CASZ1: variants seen among roughly 807,000 people sequenced by gnomAD.
The protein encoded by CASZ1 is castor zinc finger 1.
Under a neutral mutation model 135.2 loss-of-function variants are expected in CASZ1, and 28 were observed. The observed-to-expected ratio is 0.21, with a 90% confidence interval of 0.15 to 0.28. The LOEUF is 0.28. Among genes scored for constraint, CASZ1 ranks in the 10% least tolerant of loss-of-function variants. CASZ1 has a pLI of 1.00. For missense variants in CASZ1, 2,161 were observed against 2,453.3 expected, an observed-to-expected ratio of 0.88 and a Z score of 2.52; for synonymous variants, 1,068 against 1,073.4, an observed-to-expected ratio of 0.99 and a Z score of 0.10.
Position 10,646,132 on chromosome 1 carries a change from T to A in CASZ1, c.3692A>T (p.Asn1231Ile). 1 of 1,613,962 alleles carries A rather than the reference T, an allele frequency of 6.2e-7. No individual in the cohort carries two copies. Among genetic ancestry groups the A allele is most frequent in the South Asian group, 1.1e-5 (1 of 91,072 alleles). The part of the protein sequence containing the change: ...AYYSLQCLCP[N>I]QHCEFRMRGH... ...GCCGTGTACCGCCATGCTGACCTGG[T>A]TGGGACAGAGACACTGCAGAGAGTA... Residue 1231 changes from asparagine (N) to isoleucine (I), a missense_variant, in exon 17 of 21, where the codon AAC becomes ATC. Physicochemically the swap from Asn to Ile is moderately radical, Grantham distance 149. Around this residue, in one of 7 missense-constraint regions of CASZ1, gnomAD observed 349 missense variants for 460.8 expected, o/e 0.76. Coordinates refer to ENST00000377022, the MANE Select transcript of CASZ1 (RefSeq NM_001079843.3). The surrounding 1 kb of genome is among the most constrained non-coding windows in gnomAD (Gnocchi z 6.4).
chr1:10,761,840 C>T (rs1640381320), intron 1 of CASZ1, among the ~76,000 whole-genome samples: 1 of 152,212 alleles, frequency 6.6e-6, no homozygotes, highest in South Asian at 2.1e-4. Flanking sequence ...GCTGAGAACC[C>T]AGAGGGGGTG....
intron 20 of CASZ1, 109 bp downstream of exon 20, chr1:10,642,750 C>A: frequency 2.4e-6 from 3 of 1,270,520 alleles, no homozygotes; most frequent in Non-Finnish European, 3.2e-6. Flanking sequence ...GCCAGCCTGT[C>A]CTCCTCGGAG....
At position 10,660,032 on chromosome 1, in the gene CASZ1, G is replaced by T. The variant is rs893829378; in HGVS notation, c.1010C>A (p.Ser337Tyr). The change falls in exon 6 of 21, where the codon TCC (serine) becomes TAC (tyrosine). Residue 337 changes from serine (S) to tyrosine (Y), a missense_variant. Ser to Tyr is a moderately radical substitution (Grantham distance 144). Transcript: ENST00000377022. ...PQNGSTYKKP[S>Y]KYDLENVKYL... ...CTTGACATTCTCCAGGTCGTACTTGGATGGCTTCTTGTAGGTGCTCCCGTT... is the reference window on the plus strand; with the variant it reads ...CTTGACATTCTCCAGGTCGTACTTGTATGGCTTCTTGTAGGTGCTCCCGTT... 1 of 1,614,044 alleles carries T rather than the reference G, an allele frequency of 6.2e-7. No homozygotes were observed. The highest frequency in any genetic ancestry group is 1.3e-5 in the African/African-American group (1 of 74,928).
At chr1:10,729,776 C>T (rs1292759826) in intron 2 of CASZ1, among the ~76,000 whole-genome samples, 4 of 152,354 alleles carry the variant, frequency 2.6e-5, no homozygotes, top group African/African-American at 4.8e-5. Flanking sequence ...CCTCAGCACA[C>T]GCCCTTCCAG....
chr1:10,647,908 A>C lies in CASZ1; in HGVS notation c.3390T>G (p.Pro1130=). The change falls in exon 16 of 21, where the codon CCT becomes CCG. Residue 1130 remains proline, a synonymous_variant. Coordinates refer to ENST00000377022, the MANE Select transcript of CASZ1 (RefSeq NM_001079843.3). The surrounding 1 kb of genome is among the most constrained non-coding windows in gnomAD (Gnocchi z 4.9). ...KQLASTIPQM[P]QIPASVPHLP... is the part of the protein sequence containing the mutation. ...GGTGAGGCACTGACGCTGGGATCTG[A>C]GGCATCTGGGGTATGGTGGAAGCCA... The C allele has an allele frequency of 6.2e-7, 1 of 1,613,126 alleles. No individual in the cohort carries two copies. Among genetic ancestry groups the C allele is most frequent in the Non-Finnish European group, 8.5e-7 (1 of 1,179,780 alleles).
chr1:10,785,709 C>T (rs1640846754), intron 1 of CASZ1, among the ~76,000 whole-genome samples: 1 of 152,256 alleles, frequency 6.6e-6, no homozygotes, highest in South Asian at 2.1e-4. Flanking sequence ...AACCGTTGTC[C>T]TCTGCCCCTT....
intron 1 of CASZ1, among the ~76,000 whole-genome samples, chr1:10,781,197 T>C (rs939783114): frequency 6.6e-6 from 1 of 152,232 alleles, no homozygotes; most frequent in Non-Finnish European, 1.5e-5. Context: ...AAGCTCCTCC[T>C]TCGACCTTCT....
intron 1 of CASZ1, among the ~76,000 whole-genome samples, chr1:10,793,388 A>G (rs954041141): frequency 1.3e-5 from 2 of 152,232 alleles, no homozygotes; most frequent in East Asian, 3.9e-4. Context: ...CCTTCGTAAG[A>G]AGGAAATAAA....
At chr1:10,659,004 C>A (rs2100252967) in intron 6 of CASZ1, among the ~76,000 whole-genome samples, 1 of 152,298 alleles carries the variant, frequency 6.6e-6, no homozygotes, top group East Asian at 1.9e-4. Flanking sequence ...GGCATGCAGC[C>A]CCCTGGGGTC....
intron 5 of CASZ1, among the ~76,000 whole-genome samples, chr1:10,662,152 TAC>T (rs575567770): frequency 1.8e-3 from 263 of 146,312 alleles, no homozygotes; most frequent in African/African-American, 6.1e-3. Context: ...CTCACACACC[TAC>T]ACACAGTCAC....
At chr1:10,648,270 G>C in intron 15 of CASZ1, 131 bp from the exon 16 acceptor site, 1 of 676,678 alleles carries the variant, frequency 1.5e-6, no homozygotes, top group Non-Finnish European at 2.4e-6. Flanking sequence ...AGCTCCAGAA[G>C]TCCCCTGTGA....
intron 2 of CASZ1, among the ~76,000 whole-genome samples, chr1:10,758,520 TG>T (rs1640303322): frequency 6.6e-6 from 1 of 152,010 alleles, no homozygotes; most frequent in African/African-American, 2.4e-5. Context: ...TTAGTAGAGA[TG>T]GGGTTTTGCC....
intron 1 of CASZ1, among the ~76,000 whole-genome samples, chr1:10,787,849 C>A (rs541269954): frequency 6.6e-6 from 1 of 152,208 alleles, no homozygotes; most frequent in Non-Finnish European, 1.5e-5. Context: ...GGCTTCCCAC[C>A]GGCTCAGGCA....
intron 8 of CASZ1, 114 bp downstream of exon 8, chr1:10,656,532 G>T: frequency 1.3e-6 from 1 of 755,672 alleles, no homozygotes; most frequent in South Asian, 1.6e-5. Context: ...AGTCAAGTTT[G>T]GGTGGTGCAA....
chr1:10,647,442 C>T lies in CASZ1; in HGVS notation c.3497+359G>A, dbSNP rs566993815. The T allele has an allele frequency of 1.2e-4, 141 of 1,177,628 alleles. No individual in the cohort carries two copies. In the African/African-American group the frequency reaches 2.0e-3, roughly 17 times the overall value. 72.9% of individuals were successfully genotyped at this position (1,177,628 alleles called of 1,614,324 possible). A position where few individuals can be genotyped will look rare whatever the true frequency, so the allele number is the denominator to read the frequency against. ...CCATGGGTGTGAGCCACAGAGGAGGCCAATACGGAGGCTCGGAGGGAGACG... is the reference window on the plus strand; with the variant it reads ...CCATGGGTGTGAGCCACAGAGGAGGTCAATACGGAGGCTCGGAGGGAGACG... On this transcript the variant is annotated intron_variant, in intron 16 of 20. Transcript: ENST00000377022. The surrounding 1 kb of genome is among the most constrained non-coding windows in gnomAD (Gnocchi z 4.9).
At chr1:10,656,885 C>G in intron 7 of CASZ1, 149 bp from the exon 8 acceptor site, 1 of 622,764 alleles carries the variant, frequency 1.6e-6, no homozygotes. Flanking sequence ...GTGACTGGGC[C>G]TGGCGGGAAT....
Position 10,647,127 on chromosome 1 carries a change from G to T in CASZ1, c.3497+674C>A, listed in dbSNP as rs1014838914. On this transcript the variant is annotated intron_variant, in intron 16 of 20. Transcript: ENST00000377022. This position sits in a 1 kb window ranked among gnomAD's most constrained non-coding sequence, Gnocchi z 4.9. Reference sequence around the variant, plus strand: ...AGGGGGAGGGGAGGCTGGTGGGGGGGACGGAGAACAGTGCTGGGCCCCTTC... The same window carrying T: ...AGGGGGAGGGGAGGCTGGTGGGGGGTACGGAGAACAGTGCTGGGCCCCTTC... 51 of 539,616 alleles carry T rather than the reference G, an allele frequency of 9.5e-5. No homozygotes were observed. Among genetic ancestry groups the T allele is most frequent in the Admixed American group, 4.3e-4 (7 of 16,198 alleles). The allele number at this position is 539,616 out of a possible 1,614,324, so 33.4% of individuals were successfully genotyped here. A position where few individuals can be genotyped will look rare whatever the true frequency, so the allele number is the denominator to read the frequency against.
chr1:10,663,315 G>A (rs927638174), intron 5 of CASZ1, among the ~76,000 whole-genome samples: 6 of 152,154 alleles, frequency 3.9e-5, no homozygotes, highest in Admixed American at 3.9e-4. Context: ...TGTGGGCTCC[G>A]GGGAGGGCCT....
chr1:10,737,797 A>G (rs1306400638), intron 2 of CASZ1, among the ~76,000 whole-genome samples: 1 of 152,164 alleles, frequency 6.6e-6, no homozygotes, highest in Non-Finnish European at 1.5e-5. Flanking sequence ...AGGTGCTCGG[A>G]GGGCTGTGGA....
Sources: gnomAD v4.1 joint callset for allele counts (sites outside exome capture counted in the v4.1 genomes callset) on GRCh38, gnomAD v4.1.1 for gene constraint, gnomAD v4.1.1 regional missense constraint, Gnocchi (gnomAD v3.1) non-coding constraint, MANE v1.5 for transcripts, NCBI Gene and HGNC (gene_info 2026-07-23, HGNC 2026-07-21) for gene names.